SGPP2: variants seen among roughly 807,000 people sequenced by gnomAD.
SGPP2 encodes the protein sphingosine-1-phosphate phosphatase 2.
A neutral mutation model predicts 33.9 loss-of-function variants in SGPP2; 30 were observed. The ratio of observed to expected loss-of-function variants is 0.89; its 90% CI spans 0.66 to 1.20. SGPP2 has a LOEUF of 1.20. SGPP2 is among the 50% of genes most tolerant of loss of function. The pLI is 0.00. For missense variants in SGPP2, 458 were observed against 532.1 expected (o/e 0.86, Z 1.37); for synonymous variants, 233 against 225.0 (o/e 1.04, Z -0.32).
chr2:222,457,346 T>C (rs1298670027), intron 1 of SGPP2, among the ~76,000 whole-genome samples: 3 of 152,192 alleles, frequency 2.0e-5, no homozygotes, highest in East Asian at 1.9e-4. Flanking sequence ...TGAGATGACC[T>C]TTAATGTGTA....
chr2:222,450,269 C>T (rs956333138), intron 1 of SGPP2, among the ~76,000 whole-genome samples: 1 of 152,188 alleles, frequency 6.6e-6, no homozygotes, highest in African/African-American at 2.4e-5. Flanking sequence ...CATCCATCTT[C>T]TCATTTGCAC....
At chr2:222,461,761 A>G (rs1697664016) in intron 1 of SGPP2, among the ~76,000 whole-genome samples, 1 of 152,100 alleles carries the variant, frequency 6.6e-6, no homozygotes, top group Non-Finnish European at 1.5e-5. Flanking sequence ...GGTGGAGCAC[A>G]AGTGGTAATG....
Position 222,424,722 on chromosome 2 carries a change from G to A in SGPP2, c.120G>A (p.Glu40=), listed in dbSNP as rs1697032370. The part of the protein sequence containing the change: ...GPRENGADPT[E]RAARVPGVEH... Reference sequence around the variant, plus strand: ...GGGAGAACGGCGCGGACCCCACGGAGCGCGCGGCGCGGGTCCCCGGGGTCG... The same window carrying A: ...GGGAGAACGGCGCGGACCCCACGGAACGCGCGGCGCGGGTCCCCGGGGTCG... The change falls in exon 1 of 5, where the codon GAG becomes GAA. Residue 40 remains glutamate (E), a synonymous_variant. Transcript: ENST00000321276. 2.8e-5 allele frequency: 40 copies of A among 1,437,994 alleles called. No homozygotes were observed. Among genetic ancestry groups the A allele is most frequent in the Non-Finnish European group, 3.5e-5 (38 of 1,097,484 alleles). 89.1% of individuals were successfully genotyped at this position (1,437,994 alleles called of 1,614,324 possible). A position where few individuals can be genotyped will look rare whatever the true frequency, so the allele number is the denominator to read the frequency against.
At chr2:222,556,480 A>G (rs1689402564) in intron 4 of SGPP2, among the ~76,000 whole-genome samples, 1 of 66,156 alleles carries the variant, frequency 1.5e-5, no homozygotes, top group South Asian at 5.5e-4. Context: ...ATCCACTCTC[A>G]CTTCCCCCAC....
In SGPP2 at chr2:222,519,707, G is replaced by A. The variant is rs56006047; in HGVS notation, c.379-2060G>A. 3.6e-3 allele frequency among the ~76,000 whole-genome samples: 551 copies of A among 152,260 alleles called. 7 individuals carry two copies. The highest frequency in any genetic ancestry group is 0.013 in the African/African-American group (530 of 41,542). On this transcript the variant is annotated intron_variant, in intron 2 of 4. Transcript: ENST00000321276. ...GTGGTCCACAGTGTCTGTTGTTCCC[G>A]TGTTTATGTCCTTGTGCGCTCAATG...
rs1698739575 is a variant in SGPP2, at chr2:222,525,115, A to G, written c.648+82A>G. 7.6e-6 allele frequency: 7 copies of G among 923,988 alleles called. No homozygotes were observed. In the Admixed American group the frequency reaches 1.3e-4, roughly 18 times the overall value. The allele number at this position is 923,988 out of a possible 1,614,324, so 57.2% of individuals were successfully genotyped here. ...TGTCAATATGTTTCTCATACTACTT[A>G]TTTATAAAATTATTTGCATATGTAA... is the stretch of plus-strand genomic sequence containing the variant. On this transcript the variant is annotated intron_variant, in intron 4 of 4. Transcript: ENST00000321276.
chr2:222,478,422 G>A (rs915062684), intron 2 of SGPP2, among the ~76,000 whole-genome samples: 2 of 152,028 alleles, frequency 1.3e-5, no homozygotes, highest in Non-Finnish European at 1.5e-5. Flanking sequence ...AGGTTGGGGC[G>A]GATTTGGGAG....
At chr2:222,471,329 TG>T (rs1001966569) in intron 1 of SGPP2, among the ~76,000 whole-genome samples, 8 of 152,072 alleles carry the variant, frequency 5.3e-5, no homozygotes, top group African/African-American at 1.7e-4. Flanking sequence ...GGAACAAAAC[TG>T]GGAACCTCTT....
intron 1 of SGPP2, among the ~76,000 whole-genome samples, chr2:222,426,415 C>T (rs1656877607): frequency 6.6e-6 from 1 of 152,176 alleles, no homozygotes; most frequent in South Asian, 2.1e-4. Context: ...TGAATTGTTC[C>T]ACCAGTGCTT....
intron 2 of SGPP2, among the ~76,000 whole-genome samples, chr2:222,487,403 T>C (rs1698128380): frequency 6.6e-6 from 1 of 152,214 alleles, no homozygotes; most frequent in South Asian, 2.1e-4. Context: ...GACATTTCTC[T>C]GGGCCTCAGT....
At chr2:222,500,536 A>G (rs1698352183) in intron 2 of SGPP2, among the ~76,000 whole-genome samples, 1 of 152,194 alleles carries the variant, frequency 6.6e-6, no homozygotes, top group East Asian at 1.9e-4. Flanking sequence ...GTTTGGAAAG[A>G]GTATGAAATT....
At chr2:222,484,115 TA>T (rs1171540069) in intron 2 of SGPP2, among the ~76,000 whole-genome samples, 1 of 152,066 alleles carries the variant, frequency 6.6e-6, no homozygotes, top group Non-Finnish European at 1.5e-5. Context: ...AGTGTAGGTT[TA>T]AAAAAAAGAA....
intron 1 of SGPP2, among the ~76,000 whole-genome samples, 198 bp downstream of exon 1, chr2:222,425,019 C>A (rs1270398288): frequency 1.3e-5 from 2 of 152,222 alleles, no homozygotes; most frequent in African/African-American, 4.8e-5. Context: ...CTGCCAGGGG[C>A]AACCGGGTCT....
At chr2:222,425,672 G>T (rs532035914) in intron 1 of SGPP2, among the ~76,000 whole-genome samples, 3 of 152,146 alleles carry the variant, frequency 2.0e-5, no homozygotes, top group Admixed American at 2.0e-4. Flanking sequence ...CTTTTCCCTC[G>T]GCAAAGTCAA....
chr2:222,462,097 G>A lies in SGPP2; in HGVS notation c.220-12471G>A, dbSNP rs141859207. 2.4e-4 allele frequency among the ~76,000 whole-genome samples: 36 copies of A among 152,242 alleles called. 1 individual carries two copies. The highest frequency in any genetic ancestry group is 1.3e-3 in the Admixed American group (20 of 15,300). On this transcript the variant is annotated intron_variant, in intron 1 of 4. Transcript: ENST00000321276. ...TGTGGTCCTTGAGAGGCCTTAAAGC[G>A]TATGCTTGAAGCTTTTGCAAAACAT...
intron 2 of SGPP2, chr2:222,498,543 C>T (rs1417920142): frequency 2.6e-5 from 4 of 151,184 alleles, no homozygotes; most frequent in Non-Finnish European, 4.4e-5. Flanking sequence ...TGTTGTATTC[C>T]GAACATTTAA....
At chr2:222,486,462 A>G (rs1195330240) in intron 2 of SGPP2, among the ~76,000 whole-genome samples, 3 of 152,228 alleles carry the variant, frequency 2.0e-5, no homozygotes, top group African/African-American at 7.2e-5. Flanking sequence ...TTATGAATAA[A>G]TAACGTTATA....
intron 2 of SGPP2, among the ~76,000 whole-genome samples, chr2:222,505,499 A>T (rs1698430964): frequency 6.6e-6 from 1 of 152,226 alleles, no homozygotes; most frequent in African/African-American, 2.4e-5. Flanking sequence ...ATTTGGAAAA[A>T]CTCACAGATG....
chr2:222,432,935 C>T (rs971382347), intron 1 of SGPP2, among the ~76,000 whole-genome samples: 1 of 151,970 alleles, frequency 6.6e-6, no homozygotes, highest in East Asian at 1.9e-4. Flanking sequence ...GCAGGAGAAT[C>T]GCTTGAACCC....
Sources: gnomAD v4.1 joint callset for allele counts (sites outside exome capture counted in the v4.1 genomes callset) on GRCh38, gnomAD v4.1.1 for gene constraint, MANE v1.5 for transcripts, NCBI Gene and HGNC (gene_info 2026-07-23, HGNC 2026-07-21) for gene names.